GTF2E2: variants seen among roughly 807,000 people sequenced by gnomAD.
GTF2E2 encodes the protein general transcription factor IIE subunit 2, also known as transcription initiation factor IIE subunit beta.
Under a neutral mutation model 40.5 loss-of-function variants are expected in GTF2E2, and 21 were observed. That is an observed-to-expected ratio of 0.52 (90% confidence interval 0.37 to 0.75). The LOEUF is 0.75. Among genes scored for constraint, GTF2E2 ranks in the 30% least tolerant of loss-of-function variants. GTF2E2 has a pLI of 0.00. For missense variants in GTF2E2, 298 were observed against 338.4 expected (o/e 0.88, Z 0.94); for synonymous variants, 117 against 121.6 (o/e 0.96, Z 0.25).
intron 6 of GTF2E2, chr8:30,597,460 CTG>C (rs942431946): frequency 4.0e-5 from 6 of 149,976 alleles, no homozygotes; most frequent in African/African-American, 1.5e-4. Flanking sequence ...CAAACTCCCC[CTG>C]TGTCTGCAGC....
chr8:30,589,800 T>C (rs559267584), intron 6 of GTF2E2, among the ~76,000 whole-genome samples: 2 of 152,264 alleles, frequency 1.3e-5, no homozygotes, highest in Admixed American at 6.5e-5. Context: ...TGCTGAAATC[T>C]ACACTGAGCA....
chr8:30,637,061 C>T, intron 2 of GTF2E2: 2 of 397,976 alleles, frequency 5.0e-6, no homozygotes, highest in South Asian at 1.9e-5. Flanking sequence ...TATTACTGTC[C>T]CCTTTTAAAT....
At chr8:30,639,107 G>A (rs1237732200) in intron 2 of GTF2E2, among the ~76,000 whole-genome samples, 3 of 152,108 alleles carry the variant, frequency 2.0e-5, no homozygotes, top group Admixed American at 1.3e-4. Context: ...AAGAAAGTTT[G>A]TTATATTTTT....
intron 6 of GTF2E2, among the ~76,000 whole-genome samples, chr8:30,600,760 T>A (rs1020280954): frequency 6.6e-6 from 1 of 152,238 alleles, no homozygotes; most frequent in Non-Finnish European, 1.5e-5. Flanking sequence ...TAGGTCCAAC[T>A]ACTCTGTGTT....
intron 1 of GTF2E2, among the ~76,000 whole-genome samples, chr8:30,657,368 C>A (rs1320892912): frequency 2.0e-5 from 3 of 152,140 alleles, no homozygotes; most frequent in Non-Finnish European, 4.4e-5. Flanking sequence ...TGCCACCATT[C>A]GACCTCTTTC....
chr8:30,642,462 A>G (rs1004184972), intron 2 of GTF2E2, among the ~76,000 whole-genome samples: 7 of 152,194 alleles, frequency 4.6e-5, no homozygotes, highest in Admixed American at 6.5e-5. Context: ...TTTTTAAAAT[A>G]GATGATTTAC....
At position 30,578,664 on chromosome 8, in the gene GTF2E2, C is replaced by A; in HGVS notation, c.*257G>T. 6.3e-6 allele frequency: 2 copies of A among 319,014 alleles called. No individual in the cohort carries two copies. The highest frequency in any genetic ancestry group is 6.1e-5 in the East Asian group (1 of 16,382). 19.8% of individuals were successfully genotyped at this position (319,014 alleles called of 1,614,324 possible). The stretch of plus-strand genomic sequence containing the variant: ...CATTTAGAAGTGGAGAAAAACACAG[C>A]AAAGACACCTGCATGCCACGCTCAG... On this transcript the variant is annotated 3_prime_UTR_variant, in exon 8 of 8. Transcript: ENST00000355904.
At chr8:30,579,090 G>A in intron 7 of GTF2E2, 53 bp from the exon 8 acceptor site, 1 of 949,050 alleles carries the variant, frequency 1.1e-6, no homozygotes, top group Non-Finnish European at 1.7e-6. Context: ...GAGGGGTGGT[G>A]TGGCCAGGAT....
intron 3 of GTF2E2, among the ~76,000 whole-genome samples, chr8:30,619,913 T>C (rs544503747): frequency 7.2e-5 from 11 of 152,126 alleles, no homozygotes; most frequent in Non-Finnish European, 5.9e-5. Flanking sequence ...GGAGACATTA[T>C]TGCAGATTTC....
At chr8:30,627,937 G>A (rs1008670167) in intron 3 of GTF2E2, among the ~76,000 whole-genome samples, 2 of 152,116 alleles carry the variant, frequency 1.3e-5, no homozygotes, top group African/African-American at 4.8e-5. Context: ...AGTTGAACAA[G>A]TTTAGAAAAA....
chr8:30,655,159 T>G (rs1563514675), intron 1 of GTF2E2, among the ~76,000 whole-genome samples: 1 of 150,442 alleles, frequency 6.6e-6, no homozygotes, highest in Non-Finnish European at 1.5e-5. Flanking sequence ...ATCCCGCCAC[T>G]GCCCTCCAGC....
At chr8:30,652,990 G>A (rs1802333524) in intron 2 of GTF2E2, among the ~76,000 whole-genome samples, 1 of 152,130 alleles carries the variant, frequency 6.6e-6, no homozygotes, top group South Asian at 2.1e-4. Flanking sequence ...TCATTTATAG[G>A]AAATATCCAG....
intron 6 of GTF2E2, among the ~76,000 whole-genome samples, chr8:30,589,222 C>T (rs1828769027): frequency 6.6e-6 from 1 of 152,106 alleles, no homozygotes; most frequent in Admixed American, 6.5e-5. Flanking sequence ...CACTACTGCA[C>T]TCAAGCCTGC....
intron 6 of GTF2E2, among the ~76,000 whole-genome samples, chr8:30,593,423 C>T (rs1001563660): frequency 6.6e-6 from 1 of 152,108 alleles, no homozygotes; most frequent in Non-Finnish European, 1.5e-5. Flanking sequence ...TTTGGAAGGC[C>T]TGTTGTTAGA....
chr8:30,642,323 A>G (rs1041461337), intron 2 of GTF2E2, among the ~76,000 whole-genome samples: 1 of 151,430 alleles, frequency 6.6e-6, no homozygotes, highest in Non-Finnish European at 1.5e-5. Context: ...AAAGGAATAA[A>G]AGAATGGTTA....
At chr8:30,634,893 T>C (rs1159016969) in intron 3 of GTF2E2, 139 bp downstream of exon 3, 3 of 590,982 alleles carry the variant, frequency 5.1e-6, no homozygotes, top group Non-Finnish European at 9.0e-6. Flanking sequence ...ATAATTGGCA[T>C]ACAATAAACT....
Position 30,586,712 on chromosome 8 carries a change from C to T in GTF2E2, c.644-6316G>A, listed in dbSNP as rs1026566330. Among the ~76,000 whole-genome samples the T allele has an allele frequency of 3.9e-5, 6 of 152,272 alleles. No homozygotes were observed. The East Asian group carries it at 1.2e-3, about 29-fold the overall frequency. On this transcript the variant is annotated intron_variant, in intron 6 of 7. Transcript: ENST00000355904. ...GCCCAGTAATGAACCCATGCATTTA[C>T]AATCCGCTGATCTTTGACAAAGGTG...
At chr8:30,630,888 T>C (rs900947663) in intron 3 of GTF2E2, among the ~76,000 whole-genome samples, 3 of 152,150 alleles carry the variant, frequency 2.0e-5, no homozygotes, top group African/African-American at 7.2e-5. Context: ...TAAAGTTTCC[T>C]CTAACAACCA....
At chr8:30,590,769 C>T (rs1828824420) in intron 6 of GTF2E2, among the ~76,000 whole-genome samples, 1 of 151,892 alleles carries the variant, frequency 6.6e-6, no homozygotes, top group Non-Finnish European at 1.5e-5. Context: ...CAGCTCACTA[C>T]AACCTCACCC....
Sources: allele counts gnomAD v4.1 joint callset (sites outside exome capture counted in the v4.1 genomes callset), GRCh38; gene constraint gnomAD v4.1.1; transcripts MANE v1.5; gene names NCBI Gene and HGNC (gene_info 2026-07-23, HGNC 2026-07-21).